Variants in CPNE4 observed in about 807,000 individuals in gnomAD.
CPNE4 encodes the protein copine-4.
Under a neutral mutation model 67.9 loss-of-function variants are expected in CPNE4, and 25 were observed. The observed-to-expected ratio is 0.37, with a 90% CI of 0.27 to 0.51. The LOEUF is 0.51. CPNE4 is among the 20% of genes least tolerant of loss of function. The pLI, the probability that CPNE4 is intolerant of heterozygous loss-of-function variation, is 0.93. For synonymous variants in CPNE4, 242 were observed against 244.9 expected, an observed-to-expected ratio of 0.99 and a Z score of 0.11; for missense variants, 464 against 690.8, an observed-to-expected ratio of 0.67 and a Z score of 3.68.
At chr3:132,038,400 T>TGCC (rs1339317581), upstream of CPNE4, among the ~76,000 whole-genome samples, 1 of 152,020 alleles carries the variant, frequency 6.6e-6, no homozygotes, top group Non-Finnish European at 1.5e-5. Context: ...CAACCTGTGC[T>TGCC]ACGAAAGGGC....
chr3:131,581,356 C>A (rs1436296798), intron 9 of CPNE4, among the ~76,000 whole-genome samples: 1 of 152,232 alleles, frequency 6.6e-6, no homozygotes, highest in Non-Finnish European at 1.5e-5. Flanking sequence ...GTCTTTGGGG[C>A]AGGACTGTCC....
At chr3:131,714,036 T>G (rs148828049) in intron 3 of CPNE4, among the ~76,000 whole-genome samples, 19 of 152,240 alleles carry the variant, frequency 1.2e-4, no homozygotes, top group African/African-American at 4.1e-4. Context: ...AAGCTTTGCA[T>G]GTGAGAAGCA....
chr3:132,013,397 G>A (rs965863348), intron 1 of CPNE4, among the ~76,000 whole-genome samples: 3 of 151,980 alleles, frequency 2.0e-5, no homozygotes, highest in Admixed American at 1.3e-4. Flanking sequence ...ACATTACATT[G>A]ACCACATGCT....
intron 1 of CPNE4, chr3:132,017,682 C>T (rs2073914585): frequency 6.6e-6 from 1 of 152,382 alleles, no homozygotes; most frequent in South Asian, 2.1e-4. Flanking sequence ...CCCAGAAAAG[C>T]TGCATTTCAA....
At chr3:131,676,153 T>C (rs1331934934) in intron 6 of CPNE4, among the ~76,000 whole-genome samples, 4 of 151,422 alleles carry the variant, frequency 2.6e-5, no homozygotes, top group Non-Finnish European at 5.9e-5. Context: ...CCTCGTAGGT[T>C]CAAGCAATTC....
intron 6 of CPNE4, among the ~76,000 whole-genome samples, chr3:131,678,503 T>C (rs2107668909): frequency 6.6e-6 from 1 of 152,282 alleles, no homozygotes; most frequent in East Asian, 1.9e-4. Context: ...AGGGCATCTT[T>C]GTTTTGTGGC....
chr3:131,660,654 C>A (rs1156873203), intron 7 of CPNE4, among the ~76,000 whole-genome samples: 2 of 152,142 alleles, frequency 1.3e-5, no homozygotes, highest in Non-Finnish European at 2.9e-5. Context: ...CCTTCCAATG[C>A]CACTGACTAG....
chr3:131,750,759 T>G (rs2107796100), intron 2 of CPNE4, among the ~76,000 whole-genome samples: 1 of 152,284 alleles, frequency 6.6e-6, no homozygotes, highest in South Asian at 2.1e-4. Flanking sequence ...CTTCCTTTTT[T>G]GATGCTCCGA....
At chr3:131,662,081 A>T (rs2080140969) in intron 7 of CPNE4, among the ~76,000 whole-genome samples, 1 of 152,148 alleles carries the variant, frequency 6.6e-6, no homozygotes, top group South Asian at 2.1e-4. Flanking sequence ...CTAGAAAAAA[A>T]TCAGCTTGAA....
At chr3:131,811,489 G>C (rs566009131) in intron 2 of CPNE4, among the ~76,000 whole-genome samples, 42 of 152,150 alleles carry the variant, frequency 2.8e-4, no homozygotes, top group Admixed American at 3.9e-4. Context: ...CTCAGTGAAT[G>C]GCTTTGCATC....
intron 7 of CPNE4, among the ~76,000 whole-genome samples, chr3:131,628,676 T>A (rs1351319691): frequency 6.6e-6 from 1 of 152,258 alleles, no homozygotes; most frequent in African/African-American, 2.4e-5. Context: ...TTTTCTAGTT[T>A]ATTTGCATAG....
At chr3:131,849,492 G>T (rs1295741172) in intron 2 of CPNE4, among the ~76,000 whole-genome samples, 1 of 151,914 alleles carries the variant, frequency 6.6e-6, no homozygotes, top group African/African-American at 2.4e-5. Context: ...GATCTAATGG[G>T]AACTCACTCT....
At chr3:131,732,010 T>C (rs1319748771) in intron 2 of CPNE4, among the ~76,000 whole-genome samples, 1 of 152,046 alleles carries the variant, frequency 6.6e-6, no homozygotes, top group Non-Finnish European at 1.5e-5. Flanking sequence ...AATTTAAAAA[T>C]CTACCCAGGT....
chr3:131,552,517 A>C, intron 12 of CPNE4, 26 bp from the exon 13 acceptor site: 1 of 1,599,752 alleles, frequency 6.3e-7, no homozygotes, highest in Non-Finnish European at 8.6e-7. Flanking sequence ...AATTTAAAAA[A>C]CAGGAAGAAA....
intron 2 of CPNE4, among the ~76,000 whole-genome samples, chr3:131,826,531 G>A (rs2107983024): frequency 6.6e-6 from 1 of 152,266 alleles, no homozygotes; most frequent in East Asian, 1.9e-4. Context: ...AGAATCCAAT[G>A]AGCTCTGTGT....
intron 2 of CPNE4, among the ~76,000 whole-genome samples, chr3:131,819,491 T>TACACACACACACACACAC (rs5852655): frequency 1.4e-5 from 2 of 146,278 alleles, no homozygotes; most frequent in East Asian, 4.1e-4. Flanking sequence ...CACACACAGA[T>TACACACACACACACACAC]ACACACACAC....
At chr3:131,927,781 C>T (rs1228004005) in intron 1 of CPNE4, among the ~76,000 whole-genome samples, 1 of 152,174 alleles carries the variant, frequency 6.6e-6, no homozygotes, top group Non-Finnish European at 1.5e-5. Flanking sequence ...TCCCTCATCG[C>T]CACCATGGTT....
At chr3:131,774,163 T>C (rs1298404965) in intron 2 of CPNE4, among the ~76,000 whole-genome samples, 2 of 152,156 alleles carry the variant, frequency 1.3e-5, no homozygotes, top group South Asian at 2.1e-4. Context: ...GGCAGGGTCC[T>C]CATAGAAGCT....
chr3:131,867,396 A>C (rs1035763483), intron 2 of CPNE4, among the ~76,000 whole-genome samples: 4 of 152,214 alleles, frequency 2.6e-5, no homozygotes, highest in Non-Finnish European at 2.9e-5. Context: ...GAATTAGATA[A>C]GAATTAAATC....
Sources: allele counts gnomAD v4.1 joint callset (sites outside exome capture counted in the v4.1 genomes callset), GRCh38; gene constraint gnomAD v4.1.1; transcripts MANE v1.5; gene names NCBI Gene and HGNC (gene_info 2026-07-23, HGNC 2026-07-21).